MB: variants seen among roughly 807,000 people sequenced by gnomAD.
The protein encoded by MB is nitrite reductase MB.
A neutral mutation model predicts 14.5 loss-of-function variants in MB; 10 were observed. The ratio of observed to expected loss-of-function variants is 0.69; its 90% CI spans 0.43 to 1.17. The LOEUF (loss-of-function observed/expected upper bound fraction) is 1.17. Among genes scored for constraint, MB ranks in the 50% most tolerant of loss-of-function variants. MB has a pLI of 0.00. For missense variants in MB, 169 were observed against 192.7 expected (o/e 0.88, Z 0.73); for synonymous variants, 89 against 78.6 (o/e 1.13, Z -0.70).
At chr22:35,612,344 G>T (rs1316359735) in intron 1 of MB, among the ~76,000 whole-genome samples, 2 of 152,184 alleles carry the variant, frequency 1.3e-5, no homozygotes, top group African/African-American at 2.4e-5. Context: ...TATGAGGAGG[G>T]TATTTCACAA....
In MB at chr22:35,606,962, TGG is replaced by T; in HGVS notation, c.*333_*334del. 1 of 219,994 alleles carries T rather than the reference TGG, an allele frequency of 4.5e-6. No individual in the cohort carries two copies. Among genetic ancestry groups the T allele is most frequent in the Admixed American group, 5.4e-5 (1 of 18,514 alleles). 13.6% of individuals were successfully genotyped at this position (219,994 alleles called of 1,614,324 possible). A position where few individuals can be genotyped will look rare whatever the true frequency, so the allele number is the denominator to read the frequency against. ...AATTGCTACTGTCAGGTGTAGTTAA[TGG>T]CTTGGATTTGGGGTTACAGCCAGTT... On this transcript the variant is annotated 3_prime_UTR_variant, in exon 3 of 3. Coordinates refer to ENST00000397326, the MANE Select transcript of MB (RefSeq NM_005368.3).
upstream of MB, among the ~76,000 whole-genome samples, chr22:35,621,100 T>G (rs372044772): frequency 1.3e-5 from 2 of 152,214 alleles, no homozygotes; most frequent in Admixed American, 1.3e-4. Context: ...GGGGCTATTA[T>G]TATCCCTGTG....
upstream of MB, among the ~76,000 whole-genome samples, chr22:35,621,306 TC>T (rs531986982): frequency 9.3e-4 from 141 of 152,278 alleles, 1 homozygote; most frequent in African/African-American, 3.1e-3. Context: ...CTCCTCTTTT[TC>T]CCTTTCATAT....
chr22:35,616,743 A>G (rs1923106440), intron 1 of MB, among the ~76,000 whole-genome samples: 1 of 152,158 alleles, frequency 6.6e-6, no homozygotes, highest in Admixed American at 6.5e-5. Context: ...CCCCTTGAAG[A>G]GCATGTCTTA....
intron 1 of MB, among the ~76,000 whole-genome samples, chr22:35,613,879 C>T (rs1188387681): frequency 6.6e-6 from 1 of 152,240 alleles, no homozygotes; most frequent in African/African-American, 2.4e-5. Flanking sequence ...CAGCTGCCTG[C>T]CTCCTGTGGG....
chr22:35,607,055 C>T lies in MB; in HGVS notation c.*242G>A. ...ACAATTAATTCAGATCCAAACCATG[C>T]AGAACACAGTGAGCCAAGGGCCACT... is the stretch of plus-strand genomic sequence containing the variant. On this transcript the variant is annotated 3_prime_UTR_variant, in exon 3 of 3. Coordinates refer to ENST00000397326, the MANE Select transcript of MB (RefSeq NM_005368.3). 1 of 447,378 alleles carries T rather than the reference C, an allele frequency of 2.2e-6. No individual in the cohort carries two copies. The highest frequency in any genetic ancestry group is 4.0e-6 in the Non-Finnish European group (1 of 250,652). 27.7% of individuals were successfully genotyped at this position (447,378 alleles called of 1,614,324 possible).
At chr22:35,622,308 TC>T (rs1569124145), upstream of MB, among the ~76,000 whole-genome samples, 1 of 132,488 alleles carries the variant, frequency 7.5e-6, no homozygotes, top group Non-Finnish European at 1.6e-5. Context: ...GAGTCTACCC[TC>T]CTGGACCAGC....
chr22:35,609,102 G>A (rs1050296337), intron 2 of MB, among the ~76,000 whole-genome samples: 7 of 152,146 alleles, frequency 4.6e-5, no homozygotes, highest in African/African-American at 1.7e-4. Context: ...TCCAACACTC[G>A]GCTTCTTCCT....
chr22:35,613,727 G>A (rs1282818811), intron 1 of MB, among the ~76,000 whole-genome samples: 2 of 152,110 alleles, frequency 1.3e-5, no homozygotes, highest in Non-Finnish European at 2.9e-5. Flanking sequence ...TCGAACTCCT[G>A]GACTCAAGCG....
intron 1 of MB, among the ~76,000 whole-genome samples, chr22:35,611,739 A>G (rs1468347955): frequency 1.3e-5 from 2 of 152,290 alleles, no homozygotes; most frequent in Admixed American, 6.5e-5. Context: ...CACTCCTGCC[A>G]GGCACTCAGT....
upstream of MB, among the ~76,000 whole-genome samples, chr22:35,618,700 T>C (rs1482121162): frequency 6.6e-6 from 1 of 151,988 alleles, no homozygotes; most frequent in Non-Finnish European, 1.5e-5. Flanking sequence ...CATCTATCCA[T>C]CCACCCATCC....
intron 1 of MB, among the ~76,000 whole-genome samples, chr22:35,615,005 C>T (rs956497530): frequency 2.0e-4 from 30 of 152,216 alleles, no homozygotes; most frequent in African/African-American, 7.2e-4. Context: ...CCCCTCCCTT[C>T]CGAAGCCCCA....
chr22:35,607,008 C>T lies in MB; in HGVS notation c.*289G>A, dbSNP rs751479282. ...GCCAGTTTGGAGGTTGGAAGAAGTTCGGTTGGGATTTAGAAGAAAGGACAA... is the reference window on the plus strand; with the variant it reads ...GCCAGTTTGGAGGTTGGAAGAAGTTTGGTTGGGATTTAGAAGAAAGGACAA... On this transcript the variant is annotated 3_prime_UTR_variant, in exon 3 of 3. Transcript: ENST00000397326. 4 of 296,574 alleles carry T rather than the reference C, an allele frequency of 1.3e-5. No individual in the cohort carries two copies. The highest frequency in any genetic ancestry group is 1.2e-4 in the South Asian group (1 of 8,226). The allele number at this position is 296,574 out of a possible 1,614,324, so 18.4% of individuals were successfully genotyped here. A position where few individuals can be genotyped will look rare whatever the true frequency, so the allele number is the denominator to read the frequency against.
rs1158369723 is a variant in MB, at chr22:35,607,082, C to T, written c.*215G>A. On this transcript the variant is annotated 3_prime_UTR_variant, in exon 3 of 3. Coordinates refer to ENST00000397326, the MANE Select transcript of MB (RefSeq NM_005368.3). The stretch of plus-strand genomic sequence containing the variant: ...GAACACAGTGAGCCAAGGGCCACTC[C>T]CGGTTCCCAGGGTGATGACATCCCA... The T allele has an allele frequency of 8.0e-6, 4 of 501,998 alleles. No individual in the cohort carries two copies. The highest frequency in any genetic ancestry group is 1.1e-5 in the Non-Finnish European group (3 of 283,142). The allele number at this position is 501,998 out of a possible 1,614,324, so 31.1% of individuals were successfully genotyped here. A position where few individuals can be genotyped will look rare whatever the true frequency, so the allele number is the denominator to read the frequency against.
intron 1 of MB, among the ~76,000 whole-genome samples, chr22:35,622,906 T>C (rs1461475100): frequency 1.3e-5 from 2 of 152,174 alleles, no homozygotes; most frequent in Non-Finnish European, 2.9e-5. Context: ...CACCCCGCTC[T>C]ACCCATTCCC....
chr22:35,613,801 T>C (rs912224782), intron 1 of MB, among the ~76,000 whole-genome samples: 1 of 152,056 alleles, frequency 6.6e-6, no homozygotes, highest in Non-Finnish European at 1.5e-5. Context: ...CCCCACCCCA[T>C]ATTTACTTTA....
intron 1 of MB, among the ~76,000 whole-genome samples, chr22:35,614,076 C>T (rs1206076188): frequency 6.6e-6 from 1 of 152,222 alleles, no homozygotes; most frequent in Non-Finnish European, 1.5e-5. Context: ...GTCAGTGGGC[C>T]TGGTTCATCA....
chr22:35,609,673 C>T (rs551580033), intron 2 of MB, among the ~76,000 whole-genome samples: 8 of 152,260 alleles, frequency 5.3e-5, no homozygotes, highest in African/African-American at 1.2e-4. Flanking sequence ...TCTCAGTTTC[C>T]AAACCAGCAA....
At position 35,610,905 on chromosome 22, in the gene MB, C is replaced by A. The variant is rs146472305; in HGVS notation, c.297G>T (p.Lys99Asn). The change falls in exon 2 of 3, where the codon AAG becomes AAT. Residue 99 changes from lysine (K) to asparagine (N), a missense_variant. Coordinates refer to ENST00000397326, the MANE Select transcript of MB (RefSeq NM_005368.3). ...CTACCTCCAGGTACTTCACGGGGAT[C>A]TTGTGCTTGGTGGCATGCGACTGTG... Reference protein sequence around the residue: ...PLAQSHATKHKIPVKYLEFIS... With the variant: ...PLAQSHATKHNIPVKYLEFIS... The A allele has an allele frequency of 6.2e-7, 1 of 1,614,056 alleles. No homozygotes were observed. Among genetic ancestry groups the A allele is most frequent in the Non-Finnish European group, 8.5e-7 (1 of 1,179,970 alleles).
Sources: allele counts gnomAD v4.1 joint callset (sites outside exome capture counted in the v4.1 genomes callset), GRCh38; gene constraint gnomAD v4.1.1; transcripts MANE v1.5; gene names NCBI Gene and HGNC (gene_info 2026-07-23, HGNC 2026-07-21).